Variants in NOX3 observed in about 807,000 individuals in gnomAD.
The protein encoded by NOX3 is NADPH oxidase catalytic subunit-like 3.
Under a neutral mutation model 76.7 loss-of-function variants are expected in NOX3, and 74 were observed. The ratio of observed to expected loss-of-function variants is 0.96; its 90% confidence interval spans 0.80 to 1.17. The LOEUF (loss-of-function observed/expected upper bound fraction) is 1.17, where lower values mean the gene tolerates loss of function less well. Among genes scored for constraint, NOX3 ranks in the 50% most tolerant of loss-of-function variants. The pLI, the probability that NOX3 is intolerant of heterozygous loss-of-function variation, is 0.00. For synonymous variants in NOX3, 263 were observed against 261.1 expected (o/e 1.01, Z -0.07); for missense variants, 695 against 703.3 (o/e 0.99, Z 0.13).
rs1047494293 is a variant in NOX3 at position 155,411,464 on chromosome 6, C to T, written c.1309-104G>A. ...TAAATTATTTGAGCCCAAATGGGCACTTCTGCAAAATAACATGCTTTTTTT... is the reference window on the plus strand; with the variant it reads ...TAAATTATTTGAGCCCAAATGGGCATTTCTGCAAAATAACATGCTTTTTTT... On this transcript the variant is annotated intron_variant, in intron 10 of 13. Coordinates refer to ENST00000159060, the MANE Select transcript of NOX3 (RefSeq NM_015718.3). 1.4e-5 allele frequency: 15 copies of T among 1,064,766 alleles called. No homozygotes were observed. In the Admixed American group the frequency reaches 4.3e-4, roughly 30 times the overall value. The allele number at this position is 1,064,766 out of a possible 1,614,324, so 66.0% of individuals were successfully genotyped here.
intron 12 of NOX3, among the ~76,000 whole-genome samples, chr6:155,398,638 A>T (rs75459671): frequency 0.036 from 5,419 of 152,316 alleles, 231 homozygotes; most frequent in African/African-American, 0.1. Context: ...TGAGAAAGTA[A>T]TTTTTCAGAA....
chr6:155,442,071 T>A (rs901212695), intron 5 of NOX3, among the ~76,000 whole-genome samples: 5 of 152,174 alleles, frequency 3.3e-5, no homozygotes, highest in East Asian at 1.9e-4. Flanking sequence ...AAGACCATCC[T>A]GGCTAACACA....
intron 4 of NOX3, 72 bp downstream of exon 4, chr6:155,453,332 A>G: frequency 1.7e-6 from 2 of 1,168,416 alleles, no homozygotes; most frequent in Non-Finnish European, 2.6e-6. Flanking sequence ...TGGGGAAGGC[A>G]GAGTTAAAAC....
In NOX3 at chr6:155,452,914, A is replaced by G. The variant is rs1777165982; in HGVS notation, c.340+490T>C. Among the ~76,000 whole-genome samples, 11 of 152,334 alleles carry G rather than the reference A, an allele frequency of 7.2e-5. No individual in the cohort carries two copies. In the South Asian group the frequency reaches 2.1e-3, roughly 29 times the overall value. On this transcript the variant is annotated intron_variant, in intron 4 of 13. Transcript: ENST00000159060. ...TAGCAATAACACTTTATATGCCGAT[A>G]AAGCTTCATGTCTTTTCAAGACCCT...
At chr6:155,442,325 A>G (rs1777004587) in intron 5 of NOX3, among the ~76,000 whole-genome samples, 1 of 152,202 alleles carries the variant, frequency 6.6e-6, no homozygotes, top group African/African-American at 2.4e-5. Context: ...AAACCTGATC[A>G]ATGGCCTGAT....
At chr6:155,410,318 T>TGTGTGCGC (rs1268997763) in intron 11 of NOX3, among the ~76,000 whole-genome samples, 4 of 151,402 alleles carry the variant, frequency 2.6e-5, no homozygotes, top group African/African-American at 9.8e-5. Flanking sequence ...TGTGTGTGTG[T>TGTGTGCGC]GCGCACGCAT....
At chr6:155,408,753 T>C (rs1483563837) in intron 11 of NOX3, among the ~76,000 whole-genome samples, 3 of 152,190 alleles carry the variant, frequency 2.0e-5, no homozygotes, top group African/African-American at 4.8e-5. Context: ...ATATACATAC[T>C]GTGGAATACT....
chr6:155,433,205 G>A lies in NOX3; in HGVS notation c.799-2270C>T, dbSNP rs955158546. Among the ~76,000 whole-genome samples, 15 of 152,240 alleles carry A rather than the reference G, an allele frequency of 9.9e-5. No homozygotes were observed. The East Asian group carries it at 2.3e-3, about 24-fold the overall frequency. ...AGGAGAATATAAGCTATTAATCCCC[G>A]ACTCCATCTCAATCTTAGTATATCC... On this transcript the variant is annotated intron_variant, in intron 7 of 13. Transcript: ENST00000159060.
chr6:155,426,330 A>G (rs1374934151), intron 9 of NOX3, among the ~76,000 whole-genome samples: 1 of 152,178 alleles, frequency 6.6e-6, no homozygotes, highest in African/African-American at 2.4e-5. Flanking sequence ...AAGTGAAGCA[A>G]ACAGAGGCCC....
chr6:155,400,002 A>T (rs947306116), intron 12 of NOX3, among the ~76,000 whole-genome samples: 2 of 152,208 alleles, frequency 1.3e-5, no homozygotes, highest in African/African-American at 2.4e-5. Context: ...AGAAAAGGAC[A>T]AATTTTACAC....
At chr6:155,408,583 G>A (rs1015756078) in intron 11 of NOX3, among the ~76,000 whole-genome samples, 12 of 152,084 alleles carry the variant, frequency 7.9e-5, no homozygotes, top group African/African-American at 2.9e-4. Flanking sequence ...TAGTGGAAGT[G>A]TCCCAACAGG....
At chr6:155,396,763 G>A in intron 13 of NOX3, 46 bp downstream of exon 13, 1 of 1,494,830 alleles carries the variant, frequency 6.7e-7, no homozygotes, top group Non-Finnish European at 9.0e-7. Flanking sequence ...GGCCCCTTAT[G>A]GGAAGAGTTT....
chr6:155,425,663 A>G (rs1776746488), intron 9 of NOX3, among the ~76,000 whole-genome samples: 1 of 152,196 alleles, frequency 6.6e-6, no homozygotes, highest in South Asian at 2.1e-4. Flanking sequence ...GTGATCCTAA[A>G]CAAAGCCATG....
intron 9 of NOX3, among the ~76,000 whole-genome samples, chr6:155,424,392 A>C (rs1776730178): frequency 6.6e-6 from 1 of 152,220 alleles, no homozygotes; most frequent in Non-Finnish European, 1.5e-5. Flanking sequence ...GGAATGTTTA[A>C]AATATTTCAG....
intron 7 of NOX3, among the ~76,000 whole-genome samples, chr6:155,431,413 AACACACACACACACACAC>A (rs61041630): frequency 2.1e-5 from 3 of 144,642 alleles, no homozygotes; most frequent in Admixed American, 2.1e-4. Flanking sequence ...TAAACACAGA[AACACACACACACACACAC>A]ACACACACAC....
At chr6:155,439,857 A>T in intron 6 of NOX3, 99 bp downstream of exon 6, 1 of 1,046,550 alleles carries the variant, frequency 9.6e-7, no homozygotes, top group Non-Finnish European at 1.4e-6. Flanking sequence ...CGAGTCCTGT[A>T]GTCACCGCAC....
intron 10 of NOX3, 54 bp downstream of exon 10, chr6:155,422,640 A>G (rs1350786155): frequency 2.5e-5 from 38 of 1,541,644 alleles, no homozygotes; most frequent in Non-Finnish European, 3.3e-5. Context: ...TGATAGATAT[A>G]AGGACATTGA....
At chr6:155,399,822 C>A (rs1297294963) in intron 12 of NOX3, among the ~76,000 whole-genome samples, 1 of 151,746 alleles carries the variant, frequency 6.6e-6, no homozygotes, top group Admixed American at 6.6e-5. Flanking sequence ...AATTTAATTA[C>A]CCACAATCGC....
intron 12 of NOX3, among the ~76,000 whole-genome samples, chr6:155,399,579 T>TCCC (rs35789899): frequency 1.5e-4 from 23 of 152,144 alleles, no homozygotes; most frequent in Non-Finnish European, 3.1e-4. Context: ...TGCATCACTG[T>TCCC]CCCCACAGAC....
Sources: gnomAD v4.1 joint callset for allele counts (sites outside exome capture counted in the v4.1 genomes callset) on GRCh38, gnomAD v4.1.1 for gene constraint, MANE v1.5 for transcripts, NCBI Gene and HGNC (gene_info 2026-07-23, HGNC 2026-07-21) for gene names.